Variants in DLG2 observed in about 807,000 individuals in gnomAD.
DLG2 encodes disks large homolog 2.
In DLG2, 45 loss-of-function variants were observed where a neutral mutation model predicts 132.5. The ratio of observed to expected loss-of-function variants is 0.34; its 90% CI spans 0.27 to 0.44. DLG2 has a LOEUF of 0.44. DLG2 is among the 20% of genes least tolerant of loss of function. The pLI, the probability that DLG2 is intolerant of heterozygous loss-of-function variation, is 1.00. For synonymous variants in DLG2, 424 were observed against 419.6 expected, an observed-to-expected ratio of 1.01 and a Z score of -0.13; for missense variants, 1,045 against 1,196.9, an observed-to-expected ratio of 0.87 and a Z score of 1.87.
chr11:85,312,360 T>C (rs1164286609), intron 3 of DLG2, among the ~76,000 whole-genome samples: 1 of 150,628 alleles, frequency 6.6e-6, no homozygotes, highest in African/African-American at 2.4e-5. Flanking sequence ...TTTTAACTTA[T>C]TATAATTTAT....
intron 19 of DLG2, among the ~76,000 whole-genome samples, chr11:83,619,657 G>A (rs1383641313): frequency 6.6e-6 from 1 of 152,162 alleles, no homozygotes; most frequent in Non-Finnish European, 1.5e-5. Context: ...ATTTGAGTGT[G>A]TTGTGGAGGT....
chr11:85,436,068 T>C (rs2091463400), intron 3 of DLG2, among the ~76,000 whole-genome samples: 1 of 152,028 alleles, frequency 6.6e-6, no homozygotes, highest in Non-Finnish European at 1.5e-5. Context: ...AGTAAAGGAT[T>C]CTCTGTTTAA....
At chr11:85,275,616 A>G (rs774253308) in intron 4 of DLG2, among the ~76,000 whole-genome samples, 17 of 152,080 alleles carry the variant, frequency 1.1e-4, no homozygotes, top group Non-Finnish European at 2.2e-4. Flanking sequence ...ATATATCTGG[A>G]TTTTCAGGAA....
chr11:83,715,176 A>G (rs943609859), intron 18 of DLG2, among the ~76,000 whole-genome samples: 1 of 152,192 alleles, frequency 6.6e-6, no homozygotes, highest in Non-Finnish European at 1.5e-5. Context: ...CTGAGGATCA[A>G]AAACTCACAG....
At chr11:84,458,930 A>G (rs79755592) in intron 7 of DLG2, among the ~76,000 whole-genome samples, 11,159 of 150,680 alleles carry the variant, frequency 0.074, 1,392 homozygotes, top group African/African-American at 0.25. Flanking sequence ...TAGTCCTCAT[A>G]AACACCTTAT....
intron 3 of DLG2, among the ~76,000 whole-genome samples, chr11:85,353,884 C>T (rs138168875): frequency 1.3e-4 from 19 of 151,580 alleles, no homozygotes; most frequent in Middle Eastern, 3.4e-3. Context: ...AAATACCTAA[C>T]GTAAATGATG....
chr11:84,600,167 A>AAAGAAG (rs1565419107), intron 6 of DLG2, among the ~76,000 whole-genome samples: 35 of 70,548 alleles, frequency 5.0e-4, no homozygotes, highest in South Asian at 2.6e-3. Context: ...AAGGAAAGAA[A>AAAGAAG]GAAAGAAAGA....
At chr11:85,445,830 CTA>C (rs575285911) in intron 3 of DLG2, among the ~76,000 whole-genome samples, 113 of 152,246 alleles carry the variant, frequency 7.4e-4, no homozygotes, top group African/African-American at 2.7e-3. Context: ...AGTGGGCACT[CTA>C]TAAAAATTTT....
At chr11:85,379,987 A>G (rs1392709232) in intron 3 of DLG2, among the ~76,000 whole-genome samples, 5 of 152,220 alleles carry the variant, frequency 3.3e-5, no homozygotes, top group African/African-American at 2.4e-5. Context: ...AAAGATGAAC[A>G]TCATTTCCTA....
chr11:84,141,524 T>G (rs975502746), intron 9 of DLG2, among the ~76,000 whole-genome samples: 2 of 152,114 alleles, frequency 1.3e-5, no homozygotes, highest in East Asian at 1.9e-4. Flanking sequence ...AAAGCTAAAT[T>G]GATTATTCTA....
intron 7 of DLG2, among the ~76,000 whole-genome samples, chr11:84,531,650 T>G (rs1056743798): frequency 6.6e-6 from 1 of 152,106 alleles, no homozygotes; most frequent in Non-Finnish European, 1.5e-5. Flanking sequence ...CACAATACCT[T>G]GGGGCCATAC....
chr11:85,619,850 G>C (rs2081582721), intron 2 of DLG2, among the ~76,000 whole-genome samples: 1 of 151,664 alleles, frequency 6.6e-6, no homozygotes. Flanking sequence ...AAAAAGACAA[G>C]CTCTCCATAT....
intron 3 of DLG2, among the ~76,000 whole-genome samples, chr11:85,335,175 T>C (rs925086999): frequency 3.9e-5 from 6 of 152,170 alleles, no homozygotes; most frequent in African/African-American, 1.4e-4. Flanking sequence ...TTGTGCCCTT[T>C]GTCCTCTTTG....
intron 19 of DLG2, among the ~76,000 whole-genome samples, chr11:83,587,956 C>T (rs531785871): frequency 7.2e-5 from 11 of 152,286 alleles, no homozygotes; most frequent in African/African-American, 2.2e-4. Context: ...TGGCGCACCA[C>T]GAGATTATAT....
At chr11:84,726,655 T>C (rs2062502184) in intron 6 of DLG2, among the ~76,000 whole-genome samples, 1 of 152,150 alleles carries the variant, frequency 6.6e-6, no homozygotes, top group South Asian at 2.1e-4. Context: ...GGTCAAACGG[T>C]ATTTCTGGTT....
intron 21 of DLG2, among the ~76,000 whole-genome samples, chr11:83,486,685 C>T (rs2093534692): frequency 6.6e-6 from 1 of 152,094 alleles, no homozygotes. Context: ...CACACTAATA[C>T]TTTAAGAATA....
chr11:84,108,259 C>T (rs183208030), intron 9 of DLG2, among the ~76,000 whole-genome samples: 10 of 152,026 alleles, frequency 6.6e-5, no homozygotes, highest in Non-Finnish European at 1.5e-5. Context: ...AAGCAGCACT[C>T]AGTGTTAGTC....
intron 6 of DLG2, among the ~76,000 whole-genome samples, chr11:84,978,420 T>C (rs769744203): frequency 6.6e-5 from 10 of 152,260 alleles, no homozygotes; most frequent in African/African-American, 1.2e-4. Flanking sequence ...ACTACAAGGC[T>C]ACAGTAACCA....
intron 9 of DLG2, among the ~76,000 whole-genome samples, chr11:84,154,481 C>T (rs1264008834): frequency 6.6e-6 from 1 of 152,156 alleles, no homozygotes; most frequent in Admixed American, 6.5e-5. Context: ...CAAACAGATG[C>T]AAATGCACAT....
Sources: allele counts gnomAD v4.1 joint callset (sites outside exome capture counted in the v4.1 genomes callset), GRCh38; gene constraint gnomAD v4.1.1; transcripts MANE v1.5; gene names NCBI Gene and HGNC (gene_info 2026-07-23, HGNC 2026-07-21).